Variants in CADPS2 observed in about 807,000 individuals in gnomAD.
The protein encoded by CADPS2 is calcium-dependent secretion activator 2.
A neutral mutation model predicts 172.5 loss-of-function variants in CADPS2; 93 were observed. The ratio of observed to expected loss-of-function variants is 0.54; its 90% CI spans 0.46 to 0.64. The LOEUF (loss-of-function observed/expected upper bound fraction) is 0.64. CADPS2 is among the 30% of genes least tolerant of loss of function. The pLI, the probability that CADPS2 is intolerant of heterozygous loss-of-function variation, is 0.00. For missense variants in CADPS2, 1,420 were observed against 1,565.9 expected, an observed-to-expected ratio of 0.91 and a Z score of 1.57; for synonymous variants, 546 against 555.2, an observed-to-expected ratio of 0.98 and a Z score of 0.23.
chr7:122,709,964 G>A (rs1222812517), intron 2 of CADPS2, among the ~76,000 whole-genome samples: 2 of 150,480 alleles, frequency 1.3e-5, no homozygotes, highest in African/African-American at 2.4e-5. Flanking sequence ...GCTAAATGAC[G>A]AGTTAATGGG....
chr7:122,464,014 T>C (rs114651297), intron 14 of CADPS2, among the ~76,000 whole-genome samples: 3,451 of 152,262 alleles, frequency 0.023, 130 homozygotes, highest in African/African-American at 0.079. Context: ...GCTATGATTT[T>C]TCCAGCAGAA....
chr7:122,322,183 T>C (rs1214579674), intron 29 of CADPS2, among the ~76,000 whole-genome samples: 3 of 152,244 alleles, frequency 2.0e-5, no homozygotes, highest in African/African-American at 4.8e-5. Flanking sequence ...ATGCATCTAA[T>C]GTAAAGTATT....
intron 1 of CADPS2, among the ~76,000 whole-genome samples, chr7:122,784,701 T>G (rs1045698596): frequency 6.6e-6 from 1 of 152,206 alleles, no homozygotes; most frequent in Non-Finnish European, 1.5e-5. Context: ...ATCCTTTTCT[T>G]AAGGTAACTT....
chr7:122,825,993 CTGG>C (rs1804770328), intron 1 of CADPS2, among the ~76,000 whole-genome samples: 1 of 152,202 alleles, frequency 6.6e-6, no homozygotes, highest in African/African-American at 2.4e-5. Context: ...ATGGTGCACA[CTGG>C]GTAACAAGAT....
chr7:122,867,538 C>T (rs1411369852), intron 1 of CADPS2, among the ~76,000 whole-genome samples: 1 of 152,142 alleles, frequency 6.6e-6, no homozygotes, highest in African/African-American at 2.4e-5. Flanking sequence ...AGAGTCCCTG[C>T]TGAAGGGCTT....
At chr7:122,660,638 C>G (rs376212651) in intron 3 of CADPS2, among the ~76,000 whole-genome samples, 1 of 151,458 alleles carries the variant, frequency 6.6e-6, no homozygotes, top group South Asian at 2.1e-4. Context: ...GGGCCAAGCG[C>G]TGTGGCTCAC....
intron 1 of CADPS2, among the ~76,000 whole-genome samples, chr7:122,846,176 T>C (rs1025123884): frequency 1.3e-5 from 2 of 152,124 alleles, no homozygotes; most frequent in African/African-American, 4.8e-5. Flanking sequence ...TGTTCAAATA[T>C]TAAGTGATAA....
At chr7:122,728,653 T>A (rs964505624) in intron 2 of CADPS2, among the ~76,000 whole-genome samples, 8 of 151,732 alleles carry the variant, frequency 5.3e-5, no homozygotes, top group Non-Finnish European at 1.2e-4. Context: ...GAAAGAGAAG[T>A]ACAACGGAAG....
At chr7:122,414,493 A>T (rs942541194) in intron 18 of CADPS2, among the ~76,000 whole-genome samples, 1 of 152,216 alleles carries the variant, frequency 6.6e-6, no homozygotes, top group African/African-American at 2.4e-5. Flanking sequence ...AAGACAAAAC[A>T]TACATATATT....
At chr7:122,465,044 A>G (rs963919203) in intron 14 of CADPS2, among the ~76,000 whole-genome samples, 4 of 152,170 alleles carry the variant, frequency 2.6e-5, no homozygotes, top group Non-Finnish European at 5.9e-5. Flanking sequence ...TCTAAAAAAG[A>G]AACAATAGAG....
At chr7:122,342,588 T>C (rs184900244) in intron 28 of CADPS2, among the ~76,000 whole-genome samples, 1 of 152,258 alleles carries the variant, frequency 6.6e-6, no homozygotes, top group East Asian at 1.9e-4. Flanking sequence ...AGACTAATTG[T>C]TTTATATAAA....
intron 1 of CADPS2, among the ~76,000 whole-genome samples, chr7:122,789,980 TAAGA>T (rs1208813152): frequency 6.9e-6 from 1 of 145,296 alleles, no homozygotes; most frequent in Non-Finnish European, 1.5e-5. Flanking sequence ...GAAAGAAACA[TAAGA>T]AATTCTACAT....
intron 1 of CADPS2, among the ~76,000 whole-genome samples, chr7:122,787,046 T>C (rs927831978): frequency 9.9e-5 from 15 of 152,160 alleles, no homozygotes; most frequent in African/African-American, 3.1e-4. Context: ...CAGGACTGTT[T>C]GGAAACCACT....
At chr7:122,566,496 C>T in intron 7 of CADPS2, among the ~76,000 whole-genome samples, 1 of 151,968 alleles carries the variant, frequency 6.6e-6, no homozygotes, top group Middle Eastern at 3.2e-3. Context: ...TTGACAATAG[C>T]CAAGATATGA....
intron 15 of CADPS2, among the ~76,000 whole-genome samples, chr7:122,450,763 G>A (rs2052984746): frequency 1.3e-5 from 2 of 151,804 alleles, no homozygotes; most frequent in Non-Finnish European, 2.9e-5. Context: ...TTGAACTCCT[G>A]GTCTCAAGTG....
chr7:122,420,349 T>C (rs1433193660), intron 17 of CADPS2, among the ~76,000 whole-genome samples: 1 of 152,220 alleles, frequency 6.6e-6, no homozygotes, highest in Non-Finnish European at 1.5e-5. Context: ...CCCTGTGTTC[T>C]AGTGAAATTT....
intron 1 of CADPS2, among the ~76,000 whole-genome samples, chr7:122,773,713 T>C (rs1029870574): frequency 6.6e-6 from 1 of 152,196 alleles, no homozygotes; most frequent in Non-Finnish European, 1.5e-5. Flanking sequence ...CAGAAAAGGG[T>C]TGGCATAAAA....
intron 1 of CADPS2, among the ~76,000 whole-genome samples, chr7:122,829,529 G>A (rs1267583757): frequency 6.6e-6 from 1 of 151,524 alleles, no homozygotes; most frequent in Non-Finnish European, 1.5e-5. Context: ...TTTATCCTAT[G>A]GAAAAAAAGG....
chr7:122,714,507 G>T (rs1053174006), intron 2 of CADPS2, among the ~76,000 whole-genome samples: 9 of 151,824 alleles, frequency 5.9e-5, no homozygotes, highest in Non-Finnish European at 7.4e-5. Context: ...AATAAGTGGG[G>T]CTATGGGTAA....
Sources: gnomAD v4.1 joint callset for allele counts (sites outside exome capture counted in the v4.1 genomes callset) on GRCh38, gnomAD v4.1.1 for gene constraint, MANE v1.5 for transcripts, NCBI Gene and HGNC (gene_info 2026-07-23, HGNC 2026-07-21) for gene names.